Variants in CHRM3 observed in about 807,000 individuals in gnomAD.
CHRM3 encodes the protein cholinergic receptor muscarinic 3.
A neutral mutation model predicts 41.8 loss-of-function variants in CHRM3; 11 were observed. The ratio of observed to expected loss-of-function variants is 0.26; its 90% CI spans 0.17 to 0.44. CHRM3 has a LOEUF of 0.44. Among genes scored for constraint, CHRM3 ranks in the 20% least tolerant of loss-of-function variants. The pLI, the probability that CHRM3 is intolerant of heterozygous loss-of-function variation, is 1.00. For synonymous variants in CHRM3, 297 were observed against 301.4 expected, an observed-to-expected ratio of 0.99 and a Z score of 0.15; for missense variants, 571 against 745.4, an observed-to-expected ratio of 0.77 and a Z score of 2.72.
At chr1:239,639,804 A>T (rs1274918883) in intron 4 of CHRM3, among the ~76,000 whole-genome samples, 2 of 148,576 alleles carry the variant, frequency 1.3e-5, no homozygotes, top group East Asian at 4.0e-4. Flanking sequence ...CACTATGTTG[A>T]ATAGGAGTGG....
intron 5 of CHRM3, among the ~76,000 whole-genome samples, chr1:239,741,056 A>G (rs1664806129): frequency 6.6e-6 from 1 of 152,144 alleles, no homozygotes; most frequent in South Asian, 2.1e-4. Flanking sequence ...CAGAGGGGAA[A>G]GAGCTATCTT....
intron 5 of CHRM3, among the ~76,000 whole-genome samples, chr1:239,826,695 G>T (rs938710420): frequency 6.6e-6 from 1 of 152,108 alleles, no homozygotes; most frequent in African/African-American, 2.4e-5. Flanking sequence ...AAGCAAACAC[G>T]ATCCTGAATG....
intron 6 of CHRM3, among the ~76,000 whole-genome samples, chr1:239,884,753 G>C (rs1409199548): frequency 6.6e-6 from 1 of 152,174 alleles, no homozygotes; most frequent in African/African-American, 2.4e-5. Flanking sequence ...CTCAGCAGTT[G>C]TATGGTGCTT....
intron 1 of CHRM3, among the ~76,000 whole-genome samples, chr1:239,390,518 T>C (rs552948481): frequency 2.0e-5 from 3 of 152,236 alleles, no homozygotes; most frequent in Admixed American, 2.0e-4. Flanking sequence ...GCAGAGTATT[T>C]CTTCAAATCA....
chr1:239,874,584 G>T (rs541733962), intron 6 of CHRM3, among the ~76,000 whole-genome samples: 1 of 151,654 alleles, frequency 6.6e-6, no homozygotes, highest in Non-Finnish European at 1.5e-5. Flanking sequence ...ATATGTACAT[G>T]TATCCATTTA....
intron 3 of CHRM3, among the ~76,000 whole-genome samples, chr1:239,558,935 A>C (rs533411565): frequency 2.0e-4 from 30 of 152,240 alleles, no homozygotes; most frequent in Non-Finnish European, 4.1e-4. Context: ...TTGTTACCCT[A>C]GATAGAAGCT....
At chr1:239,578,274 T>C (rs984898959) in intron 3 of CHRM3, among the ~76,000 whole-genome samples, 1 of 152,198 alleles carries the variant, frequency 6.6e-6, no homozygotes, top group Admixed American at 6.5e-5. Flanking sequence ...CAGTTAATTG[T>C]TCAAGAAACC....
chr1:239,464,349 A>G (rs1427447908), intron 1 of CHRM3, among the ~76,000 whole-genome samples: 6 of 150,928 alleles, frequency 4.0e-5, no homozygotes, highest in African/African-American at 1.2e-4. Context: ...GAACATATGT[A>G]TATCTTATTT....
At chr1:239,658,995 C>G (rs945059906) in intron 4 of CHRM3, among the ~76,000 whole-genome samples, 1 of 152,116 alleles carries the variant, frequency 6.6e-6, no homozygotes, top group Non-Finnish European at 1.5e-5. Context: ...ACCTTGGCCT[C>G]CCAAAGTGCT....
chr1:239,498,223 G>A (rs1169610299), intron 2 of CHRM3, among the ~76,000 whole-genome samples: 2 of 152,040 alleles, frequency 1.3e-5, no homozygotes, highest in African/African-American at 4.8e-5. Context: ...TTTCCTGGTG[G>A]AACTAAGACA....
intron 1 of CHRM3, among the ~76,000 whole-genome samples, chr1:239,454,463 TC>T (rs1423884909): frequency 6.6e-6 from 1 of 151,468 alleles, no homozygotes; most frequent in African/African-American, 2.4e-5. Context: ...CTGAGCCCTG[TC>T]CTTTTTTTTT....
intron 2 of CHRM3, among the ~76,000 whole-genome samples, chr1:239,539,521 T>G (rs954789843): frequency 7.8e-5 from 6 of 77,048 alleles, no homozygotes; most frequent in Non-Finnish European, 2.8e-4. Context: ...AAATTTCTCT[T>G]TCTTTCTCAT....
chr1:239,623,360 G>A (rs1439369519), intron 3 of CHRM3, among the ~76,000 whole-genome samples: 3 of 150,024 alleles, frequency 2.0e-5, no homozygotes, highest in Non-Finnish European at 4.4e-5. Flanking sequence ...AGAACATGCA[G>A]TGTTTGGTTT....
intron 3 of CHRM3, among the ~76,000 whole-genome samples, chr1:239,615,033 A>G (rs1445893525): frequency 6.6e-6 from 1 of 152,206 alleles, no homozygotes; most frequent in African/African-American, 2.4e-5. Flanking sequence ...TAGCCTTTCA[A>G]ATAAGCCAGG....
intron 3 of CHRM3, among the ~76,000 whole-genome samples, chr1:239,602,140 A>ATATATATG (rs1432471091): frequency 0.016 from 2,306 of 144,800 alleles, 31 homozygotes; most frequent in Non-Finnish European, 0.028. Context: ...ATATATATAT[A>ATATATATG]ATTTTGTTTT....
At chr1:239,859,901 G>A (rs1481121150) in intron 6 of CHRM3, among the ~76,000 whole-genome samples, 1 of 146,482 alleles carries the variant, frequency 6.8e-6, no homozygotes, top group Non-Finnish European at 1.5e-5. Context: ...AAAGCATGTG[G>A]ACCAGTACTT....
At chr1:239,404,251 T>C (rs895712674) in intron 1 of CHRM3, among the ~76,000 whole-genome samples, 1 of 143,806 alleles carries the variant, frequency 7.0e-6, no homozygotes, top group African/African-American at 2.6e-5. Flanking sequence ...ATCGCACCAC[T>C]GCACTCCAGC....
intron 1 of CHRM3, among the ~76,000 whole-genome samples, chr1:239,429,252 T>G (rs567135394): frequency 6.6e-6 from 1 of 152,346 alleles, no homozygotes; most frequent in African/African-American, 2.4e-5. Context: ...TAGTAATTTT[T>G]ATTTTTCCGC....
rs575483039 is a variant in CHRM3, at chr1:239,491,984, T to A, written c.-520-725T>A. On this transcript the variant is annotated intron_variant, in intron 1 of 6. Transcript: ENST00000676153. Reference sequence around the variant, plus strand: ...GCCAGACACTAATCCCAGTGTATGATGTGTATTAATTTATTTAATTCACAA... The same window carrying A: ...GCCAGACACTAATCCCAGTGTATGAAGTGTATTAATTTATTTAATTCACAA... 2.0e-4 allele frequency among the ~76,000 whole-genome samples: 30 copies of A among 152,312 alleles called. No homozygotes were observed. The East Asian group carries it at 3.7e-3, about 19-fold the overall frequency.
Sources: allele counts gnomAD v4.1 joint callset (sites outside exome capture counted in the v4.1 genomes callset), GRCh38; gene constraint gnomAD v4.1.1; transcripts MANE v1.5; gene names NCBI Gene and HGNC (gene_info 2026-07-23, HGNC 2026-07-21).